COLEC10: variants seen among roughly 807,000 people sequenced by gnomAD.
COLEC10 encodes collectin subfamily member 10.
In COLEC10, 22 loss-of-function variants were observed where a neutral mutation model predicts 28.4. The ratio of observed to expected loss-of-function variants is 0.78; its 90% confidence interval spans 0.55 to 1.11. COLEC10 has a LOEUF of 1.11. Among genes scored for constraint, COLEC10 ranks in the 50% least tolerant of loss-of-function variants. COLEC10 has a pLI of 0.00. For synonymous variants in COLEC10, 125 were observed against 116.1 expected (o/e 1.08, Z -0.49); for missense variants, 361 against 344.1 (o/e 1.05, Z -0.39).
intron 2 of COLEC10, among the ~76,000 whole-genome samples, chr8:119,055,834 C>T (rs1458181252): frequency 6.6e-6 from 1 of 152,032 alleles, no homozygotes; most frequent in Admixed American, 6.6e-5. Flanking sequence ...TTCATTCTGT[C>T]TTTAAAATAC....
intron 2 of COLEC10, among the ~76,000 whole-genome samples, chr8:119,011,459 G>T (rs886900361): frequency 7.3e-6 from 1 of 136,730 alleles, no homozygotes; most frequent in Non-Finnish European, 1.5e-5. Flanking sequence ...GACTATACTT[G>T]GTCATTTGCC....
At chr8:119,101,405 T>G (rs572811750) in intron 3 of COLEC10, among the ~76,000 whole-genome samples, 1 of 152,310 alleles carries the variant, frequency 6.6e-6, no homozygotes, top group Non-Finnish European at 1.5e-5. Flanking sequence ...GCTTTTGCTT[T>G]CAATTATTGT....
intron 1 of COLEC10, among the ~76,000 whole-genome samples, chr8:119,006,691 C>T (rs1813805305): frequency 6.6e-6 from 1 of 151,966 alleles, no homozygotes; most frequent in South Asian, 2.1e-4. Flanking sequence ...CCAGATATTC[C>T]CTGGATATTC....
intron 2 of COLEC10, among the ~76,000 whole-genome samples, chr8:119,034,298 G>A (rs562811254): frequency 3.9e-5 from 6 of 151,976 alleles, no homozygotes; most frequent in Non-Finnish European, 7.4e-5. Flanking sequence ...TAGATGACAG[G>A]TTGATGGGTG....
rs529983508 is a variant in COLEC10 at position 119,009,847 on chromosome 8, T to A, written n.235+294T>A. On this transcript the variant is annotated intron_variant and non_coding_transcript_variant, in intron 2 of 6. Transcript: ENST00000521788. Reference sequence around the variant, plus strand: ...GCAATTGAAAGCTCAGCTCTTTTTTTTAAAAAAAAATAGACTTTATGTTTT... The same window carrying A: ...GCAATTGAAAGCTCAGCTCTTTTTTATAAAAAAAAATAGACTTTATGTTTT... Among the ~76,000 whole-genome samples, 225 of 101,324 alleles carry A rather than the reference T, an allele frequency of 2.2e-3. 14 individuals are homozygous for A. The highest frequency in any genetic ancestry group is 9.7e-3 in the African/African-American group (214 of 22,162). The allele number at this position is 101,324 out of a possible 152,430, so 66.5% of individuals were successfully genotyped here.
At chr8:119,067,136 G>T, upstream of COLEC10, 1 of 708,686 alleles carries the variant, frequency 1.4e-6, no homozygotes, top group Non-Finnish European at 2.3e-6. Context: ...AAACAACCTA[G>T]GGTATGCTTC....
intron 2 of COLEC10, among the ~76,000 whole-genome samples, chr8:119,058,076 T>G (rs1204666140): frequency 2.0e-5 from 3 of 152,064 alleles, no homozygotes; most frequent in African/African-American, 4.8e-5. Context: ...TCAGGGCATA[T>G]AGAGCTAGAA....
upstream of COLEC10, among the ~76,000 whole-genome samples, chr8:119,065,583 A>T (rs1814938280): frequency 6.6e-6 from 1 of 152,150 alleles, no homozygotes; most frequent in Non-Finnish European, 1.5e-5. Flanking sequence ...GAGGCCAGGC[A>T]TGGTGGCTCA....
intron 1 of COLEC10, among the ~76,000 whole-genome samples, chr8:119,069,244 C>T (rs1464789382): frequency 2.6e-5 from 4 of 151,954 alleles, no homozygotes; most frequent in African/African-American, 4.8e-5. Context: ...CTTTCCTGTG[C>T]TCTAGGCACC....
chr8:119,054,876 T>G (rs988250869), intron 2 of COLEC10, among the ~76,000 whole-genome samples: 8 of 152,044 alleles, frequency 5.3e-5, no homozygotes, highest in Admixed American at 4.6e-4. Context: ...AAGTAGAAAT[T>G]TTAGTCATTT....
rs7009424 is a variant in COLEC10 at position 119,028,822 on chromosome 8, G to A, written n.235+19269G>A. ...AAACATTATTTTCCCTTGCTGACAA[G>A]AATAAAAATCACTATGGCTAGTTAA... On this transcript the variant is annotated intron_variant and non_coding_transcript_variant, in intron 2 of 6. Transcript: ENST00000521788. Among the ~76,000 whole-genome samples the A allele has an allele frequency of 8.3e-3, 1,262 of 152,218 alleles. 10 individuals carry two copies. The highest frequency in any genetic ancestry group is 0.013 in the Non-Finnish European group (900 of 67,998).
intron 2 of COLEC10, among the ~76,000 whole-genome samples, chr8:119,017,835 C>T (rs1448186178): frequency 1.3e-5 from 2 of 152,080 alleles, no homozygotes; most frequent in African/African-American, 2.4e-5. Flanking sequence ...AATTATTAAA[C>T]AATGTATAGC....
Position 119,103,874 on chromosome 8 carries a change from T to A in COLEC10, c.421T>A (p.Ser141Thr), listed in dbSNP as rs1815888187. Residue 141 changes from serine (S) to threonine (T), a missense_variant, in exon 5 of 6, where the codon TCT becomes ACT. Physicochemically the swap from Ser to Thr is moderately conservative, Grantham distance 58 (BLOSUM62 1). Coordinates refer to ENST00000332843, the MANE Select transcript of COLEC10 (RefSeq NM_006438.5). The part of the protein sequence containing the change: ...LDISIARLKT[S>T]MKFVKNVIAG... ...TATTAGTATTGCTCGGCTCAAGACA[T>A]CTATGAAGTTTGTCAAGAATGGTGA... The A allele has an allele frequency of 6.2e-7, 1 of 1,611,402 alleles. No homozygotes were observed. The highest frequency in any genetic ancestry group is 2.2e-5 in the East Asian group (1 of 44,782).
chr8:118,961,070 G>A, the COLEC10 span, among the ~76,000 whole-genome samples: 5 of 152,080 alleles, frequency 3.3e-5, no homozygotes, highest in Non-Finnish European at 7.4e-5. Flanking sequence ...CATTTGTATG[G>A]TGCTTTTAAC....
chr8:119,067,246 C>T, upstream of COLEC10: 4 of 1,605,450 alleles, frequency 2.5e-6, no homozygotes, highest in Non-Finnish European at 3.4e-6. Context: ...GTTTATTTGG[C>T]ATTTCTGGGA....
intron 2 of COLEC10, among the ~76,000 whole-genome samples, chr8:119,031,839 A>C (rs1175525590): frequency 6.6e-6 from 1 of 152,232 alleles, no homozygotes; most frequent in Non-Finnish European, 1.5e-5. Context: ...AATTTGTAGA[A>C]ATAAATGTAA....
the COLEC10 span, among the ~76,000 whole-genome samples, chr8:118,968,003 A>G: frequency 6.8e-4 from 104 of 152,278 alleles, no homozygotes; most frequent in African/African-American, 2.5e-3. Flanking sequence ...AGAAGAGGAC[A>G]TGACAAGAAA....
At chr8:119,101,207 C>T (rs538378750) in intron 3 of COLEC10, among the ~76,000 whole-genome samples, 2 of 152,260 alleles carry the variant, frequency 1.3e-5, no homozygotes, top group East Asian at 1.9e-4. Context: ...TCTGACCACA[C>T]CACATTCCTG....
the COLEC10 span, among the ~76,000 whole-genome samples, chr8:118,960,879 C>G: frequency 6.6e-6 from 1 of 151,624 alleles, no homozygotes; most frequent in African/African-American, 2.4e-5. Flanking sequence ...ACCTGTGAAC[C>G]AGGACTTCCT....
Sources: allele counts gnomAD v4.1 joint callset (sites outside exome capture counted in the v4.1 genomes callset), GRCh38; gene constraint gnomAD v4.1.1; transcripts MANE v1.5; gene names NCBI Gene and HGNC (gene_info 2026-07-23, HGNC 2026-07-21).